Variants in ZNF732 observed in about 807,000 individuals in gnomAD.
ZNF732 encodes zinc finger protein 732.
Under a neutral mutation model 11.5 loss-of-function variants are expected in ZNF732, and 12 were observed. That is an observed-to-expected ratio of 1.05 (90% CI 0.67 to 1.70). The LOEUF is 1.70. Among genes scored for constraint, ZNF732 ranks in the 40% most tolerant of loss-of-function variants. ZNF732 has a pLI of 0.00. For missense variants in ZNF732, 702 were observed against 676.9 expected (o/e 1.04, Z -0.41); for synonymous variants, 231 against 236.5 (o/e 0.98, Z 0.21).
intron 3 of ZNF732, 146 bp downstream of exon 3, chr4:295,291 CT>C (rs1553842050): frequency 8.3e-6 from 5 of 605,182 alleles, no homozygotes; most frequent in Non-Finnish European, 1.2e-5. Context: ...GAAGATGCCC[CT>C]ATTCATGAAT....
chr4:274,146 A>G (rs939302137), intron 3 of ZNF732, among the ~76,000 whole-genome samples: 2 of 151,838 alleles, frequency 1.3e-5, no homozygotes, highest in African/African-American at 2.4e-5. Context: ...TATTGTAATT[A>G]TTCTCTAAAA....
rs904627169 is a variant in ZNF732 at position 276,751 on chromosome 4, G to A, written c.227-4121C>T. Reference sequence around the variant, plus strand: ...ACTCAAGGTGATCTATAGATTCAACGCAATCTCTTATCAAAATACCAATGA... The same window carrying A: ...ACTCAAGGTGATCTATAGATTCAACACAATCTCTTATCAAAATACCAATGA... On this transcript the variant is annotated intron_variant, in intron 3 of 3. Transcript: ENST00000419098. Among the ~76,000 whole-genome samples the A allele has an allele frequency of 4.0e-5, 6 of 151,550 alleles. No individual in the cohort carries two copies. The South Asian group carries it at 1.0e-3, about 26-fold the overall frequency.
intron 3 of ZNF732, among the ~76,000 whole-genome samples, chr4:285,681 AT>A (rs1424835878): frequency 6.6e-6 from 1 of 152,100 alleles, no homozygotes; most frequent in Non-Finnish European, 1.5e-5. Flanking sequence ...TCTGTGCAAA[AT>A]TTTAAACTCT....
At chr4:284,113 T>G (rs1719676553) in intron 3 of ZNF732, among the ~76,000 whole-genome samples, 1 of 152,080 alleles carries the variant, frequency 6.6e-6, no homozygotes, top group Non-Finnish European at 1.5e-5. Flanking sequence ...AGGTTTCACC[T>G]TGTTAACTAG....
At chr4:298,268 C>G (rs1408191487) in intron 1 of ZNF732, among the ~76,000 whole-genome samples, 1 of 152,170 alleles carries the variant, frequency 6.6e-6, no homozygotes, top group Non-Finnish European at 1.5e-5. Flanking sequence ...ACATATGATG[C>G]TGAATTCAAC....
intron 1 of ZNF732, among the ~76,000 whole-genome samples, chr4:300,485 GAAAAA>G (rs1720094157): frequency 6.9e-6 from 1 of 144,998 alleles, no homozygotes; most frequent in Non-Finnish European, 1.5e-5. Flanking sequence ...GAAAAGAAAA[GAAAAA>G]ATTATAGCCA....
chr4:284,049 TACAGGC>T (rs1384419819), intron 3 of ZNF732, among the ~76,000 whole-genome samples: 1 of 152,146 alleles, frequency 6.6e-6, no homozygotes, highest in Non-Finnish European at 1.5e-5. Flanking sequence ...TAGCTGGGAC[TACAGGC>T]ACCCGCCACC....
Position 271,283 on chromosome 4 carries a change from G to T in ZNF732, c.1574C>A (p.Thr525Asn), listed in dbSNP as rs782605604. 5.7e-6 allele frequency: 9 copies of T among 1,588,420 alleles called. No homozygotes were observed. The highest frequency in any genetic ancestry group is 7.7e-6 in the Non-Finnish European group (9 of 1,166,424). ...TTCACATCTATAAGGTTTCTCTCCA[G>T]TATGAATTTTCTTATGTTTACTCAG... ...TYLSKHKKIH[T>N]GEKPYRCEEC... The change falls in exon 4 of 4, where the codon ACT becomes AAT. Residue 525 changes from threonine to asparagine, a missense_variant. Thr to Asn is a moderately conservative substitution (Grantham distance 65). Transcript: ENST00000419098.
intron 1 of ZNF732, among the ~76,000 whole-genome samples, chr4:299,467 A>ATGTG (rs1720054407): frequency 9.0e-6 from 1 of 111,248 alleles, no homozygotes; most frequent in African/African-American, 3.2e-5. Context: ...ATGTGTATAT[A>ATGTG]TATATACACA....
chr4:289,188 A>T (rs1719790645), intron 3 of ZNF732, among the ~76,000 whole-genome samples: 1 of 152,238 alleles, frequency 6.6e-6, no homozygotes, highest in Non-Finnish European at 1.5e-5. Context: ...AGAAAACTGC[A>T]GAACTCCTCA....
At chr4:297,402 T>C (rs1217241841) in intron 1 of ZNF732, among the ~76,000 whole-genome samples, 1 of 152,144 alleles carries the variant, frequency 6.6e-6, no homozygotes, top group Non-Finnish European at 1.5e-5. Context: ...TCTTAGGACA[T>C]CCTGGGAGGT....
chr4:299,195 C>T (rs1720026365), intron 1 of ZNF732, among the ~76,000 whole-genome samples: 1 of 151,614 alleles, frequency 6.6e-6, no homozygotes, highest in African/African-American at 2.4e-5. Flanking sequence ...ATGGAGGCTC[C>T]TTCAACACAT....
intron 1 of ZNF732, among the ~76,000 whole-genome samples, chr4:302,073 C>T (rs926679263): frequency 7.9e-5 from 12 of 152,048 alleles, no homozygotes; most frequent in Non-Finnish European, 1.6e-4. Context: ...GTTATAGAAG[C>T]GACTGTAGAT....
At chr4:303,527 A>C (rs1220152976) in intron 1 of ZNF732, among the ~76,000 whole-genome samples, 4 of 152,184 alleles carry the variant, frequency 2.6e-5, no homozygotes, top group Non-Finnish European at 5.9e-5. Flanking sequence ...GAGGCAGGAG[A>C]ATTGTTTGAA....
At chr4:304,665 A>G (rs1473811088) in intron 1 of ZNF732, among the ~76,000 whole-genome samples, 2 of 152,128 alleles carry the variant, frequency 1.3e-5, no homozygotes, top group Admixed American at 1.3e-4. Flanking sequence ...CCTCAAGTTC[A>G]ATAATGTGGC....
At chr4:283,857 GACAA>G (rs1455072111) in intron 3 of ZNF732, among the ~76,000 whole-genome samples, 2 of 152,026 alleles carry the variant, frequency 1.3e-5, no homozygotes, top group African/African-American at 4.8e-5. Flanking sequence ...CCACAACAAA[GACAA>G]ACAAGTCTTT....
chr4:281,515 A>C (rs999673318), intron 3 of ZNF732, among the ~76,000 whole-genome samples: 8 of 152,228 alleles, frequency 5.3e-5, no homozygotes, highest in East Asian at 1.9e-4. Flanking sequence ...AGTCATATTG[A>C]TCAACATCTT....
intron 1 of ZNF732, among the ~76,000 whole-genome samples, chr4:296,814 G>A (rs1719962634): frequency 6.6e-6 from 1 of 152,118 alleles, no homozygotes; most frequent in Admixed American, 6.5e-5. Context: ...AGCAGGCACA[G>A]CATAGAGTCC....
At chr4:285,917 T>G (rs1457244234) in intron 3 of ZNF732, among the ~76,000 whole-genome samples, 3 of 152,174 alleles carry the variant, frequency 2.0e-5, no homozygotes, top group Non-Finnish European at 4.4e-5. Flanking sequence ...TGTTTATCTA[T>G]TTTTTGGTAG....
Sources: allele counts gnomAD v4.1 joint callset (sites outside exome capture counted in the v4.1 genomes callset), GRCh38; gene constraint gnomAD v4.1.1; transcripts MANE v1.5; gene names NCBI Gene and HGNC (gene_info 2026-07-23, HGNC 2026-07-21).